Variants in PALLD observed in about 807,000 individuals in gnomAD.
PALLD encodes palladin, cytoskeletal associated protein.
PALLD carries 61 observed loss-of-function variants against 123.5 expected under a neutral mutation model. The ratio of observed to expected loss-of-function variants is 0.49; its 90% CI spans 0.40 to 0.61. PALLD has a LOEUF of 0.61. Among genes scored for constraint, PALLD ranks in the 20% least tolerant of loss-of-function variants. The probability of loss-of-function intolerance (pLI) is 0.00; values close to 1 mark genes in which losing one functional copy is unlikely to be tolerated. For missense variants in PALLD, 1,273 were observed against 1,377.0 expected, an observed-to-expected ratio of 0.92 and a Z score of 1.20; for synonymous variants, 465 against 496.4, an observed-to-expected ratio of 0.94 and a Z score of 0.84.
chr4:168,833,674 A>G (rs1744674889), intron 10 of PALLD, among the ~76,000 whole-genome samples: 1 of 151,972 alleles, frequency 6.6e-6, no homozygotes, highest in South Asian at 2.1e-4. Flanking sequence ...AAAGATAGCC[A>G]GAGAATTGTC....
At chr4:168,576,260 G>A (rs55753406) in intron 2 of PALLD, among the ~76,000 whole-genome samples, 14,886 of 150,174 alleles carry the variant, frequency 0.099, 919 homozygotes, top group South Asian at 0.18. Flanking sequence ...ATTATACTTT[G>A]AGTTTTAGGG....
chr4:168,672,172 A>G (rs116372030), intron 3 of PALLD, among the ~76,000 whole-genome samples: 3,695 of 152,310 alleles, frequency 0.024, 154 homozygotes, highest in African/African-American at 0.084. Context: ...GCTTTGATAC[A>G]TATTACGTAT....
chr4:168,713,512 T>C (rs1785034285), intron 10 of PALLD, among the ~76,000 whole-genome samples: 2 of 152,132 alleles, frequency 1.3e-5, no homozygotes, highest in South Asian at 4.1e-4. Context: ...TGGATGTAAA[T>C]CACAGGAGAG....
At chr4:168,663,817 T>C (rs1779360256) in intron 2 of PALLD, among the ~76,000 whole-genome samples, 1 of 152,256 alleles carries the variant, frequency 6.6e-6, no homozygotes, top group Non-Finnish European at 1.5e-5. Flanking sequence ...TTTATGCCAA[T>C]TTCCCCAACT....
chr4:168,922,679 T>C (rs1761814015), intron 18 of PALLD, among the ~76,000 whole-genome samples: 1 of 152,236 alleles, frequency 6.6e-6, no homozygotes, highest in Non-Finnish European at 1.5e-5. Flanking sequence ...GTGGTAAATA[T>C]GTGGACTGTG....
intron 2 of PALLD, among the ~76,000 whole-genome samples, chr4:168,660,900 CT>C (rs773848734): frequency 7.1e-4 from 103 of 144,760 alleles, no homozygotes; most frequent in South Asian, 8.8e-4. Context: ...TCTTCTTCCT[CT>C]TTTTTTTTTT....
rs149867482 is a variant in PALLD, at chr4:168,632,068, C to A, written c.909-36122C>A. On this transcript the variant is annotated intron_variant, in intron 2 of 21. Transcript: ENST00000505667. ...CGGTTTTCCTAATCCCTTCTTCGGA[C>A]TCCTCTTTGGGGGTTGGCGGGGGCG... 1.7e-4 allele frequency among the ~76,000 whole-genome samples: 25 copies of A among 148,650 alleles called. 1 individual carries two copies. Among genetic ancestry groups the A allele is most frequent in the African/African-American group, 5.7e-4 (23 of 40,076 alleles).
At chr4:168,659,184 C>G (rs1197728237) in intron 2 of PALLD, among the ~76,000 whole-genome samples, 1 of 152,238 alleles carries the variant, frequency 6.6e-6, no homozygotes, top group African/African-American at 2.4e-5. Flanking sequence ...AGCAACAAAA[C>G]TTATCTTGGG....
At chr4:168,547,374 A>C (rs944060073) in intron 2 of PALLD, among the ~76,000 whole-genome samples, 3 of 151,800 alleles carry the variant, frequency 2.0e-5, no homozygotes, top group Non-Finnish European at 4.4e-5. Flanking sequence ...TGGCCAGCAT[A>C]ACACCGCCAA....
chr4:168,683,084 T>G lies in PALLD; in HGVS notation c.1241T>G (p.Leu414Arg), dbSNP rs1224785358. 2 of 1,605,970 alleles carry G rather than the reference T, an allele frequency of 1.2e-6. No homozygotes were observed. Among genetic ancestry groups the G allele is most frequent in the Admixed American group, 3.3e-5 (2 of 59,964 alleles). ...TGVTTAVIQP[L>R]SVPVQQVHSP... Reference sequence around the variant, plus strand: ...GTGACCACAGCTGTGATTCAACCACTGTCTGTCCCTGTGCAACAGGTAAGT... The same window carrying G: ...GTGACCACAGCTGTGATTCAACCACGGTCTGTCCCTGTGCAACAGGTAAGT... Residue 414 changes from leucine to arginine, a missense_variant, in exon 5 of 22, where the codon CTG (leucine) becomes CGG (arginine). By Grantham distance (102) the Leu-to-Arg change is moderately radical. This residue lies in a region of PALLD where 944 missense variants were observed against 954.5 expected (regional missense o/e 0.99). Transcript: ENST00000505667.
chr4:168,680,815 A>C (rs1781482270), intron 3 of PALLD, among the ~76,000 whole-genome samples: 1 of 152,190 alleles, frequency 6.6e-6, no homozygotes, highest in Admixed American at 6.5e-5. Context: ...TGGTAAGTTG[A>C]CCCTTTATTT....
chr4:168,531,874 G>T (rs1454607681), intron 2 of PALLD, among the ~76,000 whole-genome samples: 1 of 152,076 alleles, frequency 6.6e-6, no homozygotes, highest in African/African-American at 2.4e-5. Context: ...AGGGGAAGGG[G>T]AATCTTCCAA....
chr4:168,877,901 C>G lies in PALLD; in HGVS notation c.1965-13021C>G. On this transcript the variant is annotated intron_variant, in intron 10 of 21. Coordinates refer to ENST00000505667, the MANE Select transcript of PALLD (RefSeq NM_001166108.2). ...CGCGTCCCCGGAGCCCATGAGCGCGCTGGCCTCCCGCTCCGCCCCCGCCAT... is the reference window on the plus strand; with the variant it reads ...CGCGTCCCCGGAGCCCATGAGCGCGGTGGCCTCCCGCTCCGCCCCCGCCAT... 2 of 1,475,338 alleles carry G rather than the reference C, an allele frequency of 1.4e-6. No individual in the cohort carries two copies. Among genetic ancestry groups the G allele is most frequent in the South Asian group, 2.5e-5 (2 of 78,878 alleles). The allele number at this position is 1,475,338 out of a possible 1,614,324, so 91.4% of individuals were successfully genotyped here.
At chr4:168,841,370 T>C (rs1201101105) in intron 10 of PALLD, among the ~76,000 whole-genome samples, 1 of 152,178 alleles carries the variant, frequency 6.6e-6, no homozygotes, top group Admixed American at 6.5e-5. Flanking sequence ...AAAGTCAAAT[T>C]GAGAACACTG....
intron 10 of PALLD, among the ~76,000 whole-genome samples, chr4:168,848,151 C>CCCACA (rs1037799186): frequency 2.3e-5 from 2 of 88,714 alleles, no homozygotes; most frequent in African/African-American, 8.9e-5. Flanking sequence ...CTACCCCCGT[C>CCCACA]CCACCCCACC....
At chr4:168,681,619 A>C (rs547529400) in intron 4 of PALLD, among the ~76,000 whole-genome samples, 2 of 142,896 alleles carry the variant, frequency 1.4e-5, no homozygotes. Flanking sequence ...GACATGGCTC[A>C]CTGAAGCCTT....
chr4:168,897,450 C>T (rs1443116117), intron 13 of PALLD, among the ~76,000 whole-genome samples: 1 of 151,938 alleles, frequency 6.6e-6, no homozygotes, highest in African/African-American at 2.4e-5. Flanking sequence ...GTCTTCATTG[C>T]ACTTTTTTGT....
intron 3 of PALLD, among the ~76,000 whole-genome samples, chr4:168,678,852 G>A (rs1438384041): frequency 6.7e-6 from 1 of 149,980 alleles, no homozygotes; most frequent in East Asian, 2.0e-4. Context: ...TGTGGTGTGT[G>A]TGGTGTGTCG....
At chr4:168,557,354 C>T (rs1767426812) in intron 2 of PALLD, among the ~76,000 whole-genome samples, 3 of 152,198 alleles carry the variant, frequency 2.0e-5, no homozygotes, top group East Asian at 1.9e-4. Context: ...TCCACTTGTT[C>T]GTTCAATATA....
Sources: gnomAD v4.1 joint callset for allele counts (sites outside exome capture counted in the v4.1 genomes callset) on GRCh38, gnomAD v4.1.1 for gene constraint, gnomAD v4.1.1 regional missense constraint, MANE v1.5 for transcripts, NCBI Gene and HGNC (gene_info 2026-07-23, HGNC 2026-07-21) for gene names.